MPHOSPH6: variants seen among roughly 807,000 people sequenced by gnomAD.
MPHOSPH6 encodes M-phase phosphoprotein 6.
MPHOSPH6 carries 25 observed loss-of-function variants against 21.8 expected under a neutral mutation model. The observed-to-expected ratio is 1.15, with a 90% confidence interval of 0.83 to 1.60. MPHOSPH6 has a LOEUF of 1.60. MPHOSPH6 is among the 40% of genes most tolerant of loss of function. The probability of loss-of-function intolerance (pLI) is 0.00; values close to 1 mark genes in which losing one functional copy is unlikely to be tolerated. For missense variants in MPHOSPH6, 269 were observed against 181.8 expected (o/e 1.48, Z -2.76); for synonymous variants, 84 against 56.5 (o/e 1.49, Z -2.18).
At chr16:82,167,502 T>A (rs551211435) in intron 1 of MPHOSPH6, 59 of 151,630 alleles carry the variant, frequency 3.9e-4, no homozygotes, top group Non-Finnish European at 7.5e-4. Flanking sequence ...TTTCTATTAT[T>A]ATATTATAAT....
intron 2 of MPHOSPH6, among the ~76,000 whole-genome samples, chr16:82,153,306 A>G (rs766372342): frequency 1.3e-5 from 2 of 152,216 alleles, no homozygotes; most frequent in Non-Finnish European, 2.9e-5. Context: ...TTCCTGCACC[A>G]TAATTATATA....
intron 3 of MPHOSPH6, among the ~76,000 whole-genome samples, chr16:82,150,050 A>C (rs1016118402): frequency 2.7e-5 from 4 of 150,452 alleles, no homozygotes; most frequent in African/African-American, 9.7e-5. Flanking sequence ...TCTTTTTAGC[A>C]AGAGGAGAAG....
chr16:82,164,091 T>G lies in MPHOSPH6; in HGVS notation c.155A>C (p.Lys52Thr). The G allele has an allele frequency of 6.2e-7, 1 of 1,608,464 alleles. No individual in the cohort carries two copies. Among genetic ancestry groups the G allele is most frequent in the Non-Finnish European group, 8.5e-7 (1 of 1,176,164 alleles). ...ATTTTAATAAACCTACTCTTTCTCT[T>G]TAAGCTCTGGCAAATCCAAGTACCA... ...EHWYLDLPEL[K>T]EKESFIIEEQ... The change falls in exon 2 of 5, where the codon AAA becomes ACA. Residue 52 changes from lysine (K) to threonine (T), a missense_variant. By Grantham distance (78) the Lys-to-Thr change is moderately conservative (BLOSUM62 -1). Transcript: ENST00000258169.
chr16:82,156,004 T>C (rs1243489866), intron 2 of MPHOSPH6, among the ~76,000 whole-genome samples: 1 of 151,812 alleles, frequency 6.6e-6, no homozygotes, highest in African/African-American at 2.4e-5. Context: ...AGGCAAACCA[T>C]GGATAAAAAT....
intron 3 of MPHOSPH6, among the ~76,000 whole-genome samples, chr16:82,150,811 T>C (rs1019217235): frequency 6.6e-6 from 1 of 152,216 alleles, no homozygotes; most frequent in Admixed American, 6.5e-5. Flanking sequence ...ACTAAAGATT[T>C]ATATCTCATG....
rs72835386 is a variant in MPHOSPH6, at chr16:82,154,997, T to A, written c.165-3483A>T. ...TGTCAGCAAATTGAATTTAAAAATT[T>A]TAAATGTTACATATGAAGACCAAGT... is the stretch of plus-strand genomic sequence containing the variant. On this transcript the variant is annotated intron_variant, in intron 2 of 4. Transcript: ENST00000258169. Among the ~76,000 whole-genome samples, 1,093 of 152,332 alleles carry A rather than the reference T, an allele frequency of 7.2e-3. 9 individuals are homozygous for A. Among genetic ancestry groups the A allele is most frequent in the Non-Finnish European group, 0.011 (761 of 68,020 alleles).
At chr16:82,149,872 G>A (rs1906207889) in intron 3 of MPHOSPH6, among the ~76,000 whole-genome samples, 1 of 150,188 alleles carries the variant, frequency 6.7e-6, no homozygotes, top group African/African-American at 2.5e-5. Context: ...GGCTGGCCCT[G>A]TTTAATGGAG....
chr16:82,150,833 T>C (rs1291844123), intron 3 of MPHOSPH6, among the ~76,000 whole-genome samples: 1 of 152,224 alleles, frequency 6.6e-6, no homozygotes, highest in Non-Finnish European at 1.5e-5. Flanking sequence ...GTCCATTTGG[T>C]TCATCAAGTA....
At chr16:82,157,850 A>G (rs552880062) in intron 2 of MPHOSPH6, among the ~76,000 whole-genome samples, 55 of 152,310 alleles carry the variant, frequency 3.6e-4, no homozygotes, top group African/African-American at 1.3e-3. Flanking sequence ...CCTGCCTGAG[A>G]AACATAAAGC....
At chr16:82,153,084 G>A (rs1460334260) in intron 2 of MPHOSPH6, among the ~76,000 whole-genome samples, 1 of 151,758 alleles carries the variant, frequency 6.6e-6, no homozygotes, top group Non-Finnish European at 1.5e-5. Flanking sequence ...TCAAGATTGT[G>A]CCACTGCACT....
intron 1 of MPHOSPH6, among the ~76,000 whole-genome samples, chr16:82,167,381 T>C (rs1000247053): frequency 3.0e-4 from 45 of 152,338 alleles, no homozygotes; most frequent in Non-Finnish European, 5.3e-4. Context: ...CCCAACCTTT[T>C]TGGCACCAGG....
At chr16:82,151,788 G>A (rs559638303) in intron 2 of MPHOSPH6, among the ~76,000 whole-genome samples, 34 of 152,298 alleles carry the variant, frequency 2.2e-4, no homozygotes, top group Non-Finnish European at 4.6e-4. Context: ...CTAAAGTATT[G>A]ACAATAAACT....
intron 2 of MPHOSPH6, among the ~76,000 whole-genome samples, chr16:82,156,946 C>T (rs572573690): frequency 3.7e-4 from 56 of 152,106 alleles, no homozygotes; most frequent in South Asian, 1.0e-3. Context: ...CCAGCTACTC[C>T]GGAGGCTGAG....
chr16:82,162,106 G>C (rs1344735786), intron 2 of MPHOSPH6: 1 of 152,198 alleles, frequency 6.6e-6, no homozygotes, highest in Non-Finnish European at 1.5e-5. Context: ...TGGTGTTATG[G>C]TGACTGTTTT....
chr16:82,168,858 TAGA>T (rs1375667910), intron 1 of MPHOSPH6, among the ~76,000 whole-genome samples: 2 of 152,224 alleles, frequency 1.3e-5, no homozygotes, highest in African/African-American at 4.8e-5. Flanking sequence ...TGCTACTCTC[TAGA>T]AGTAGTGCTT....
chr16:82,148,677 A>G lies in MPHOSPH6; in HGVS notation c.*54T>C, dbSNP rs1452574491. On this transcript the variant is annotated 3_prime_UTR_variant, in exon 5 of 5. Coordinates refer to ENST00000258169, the MANE Select transcript of MPHOSPH6 (RefSeq NM_005792.2). ...GAGACACCATTGGGATGAGCTCCAG[A>G]TGCCCTGCTGACTTCCACCAAGCAC... 3.1e-6 allele frequency: 5 copies of G among 1,596,468 alleles called. No individual in the cohort carries two copies. In the East Asian group the frequency reaches 8.9e-5, roughly 29 times the overall value.
chr16:82,161,919 G>A lies in MPHOSPH6; in HGVS notation c.164+2163C>T, dbSNP rs572939307. Among the ~76,000 whole-genome samples the A allele has an allele frequency of 2.0e-3, 307 of 152,250 alleles. 2 individuals carry two copies. Among genetic ancestry groups the A allele is most frequent in the Middle Eastern group, 0.017 (5 of 294 alleles). On this transcript the variant is annotated intron_variant, in intron 2 of 4. Transcript: ENST00000258169. The stretch of plus-strand genomic sequence containing the variant: ...ACTGATACGGCTGACATTAAAAATG[G>A]GAAAGTCGAGACTTTCAGAGCACAG...
Position 82,148,625 on chromosome 16 carries a change from G to C in MPHOSPH6, c.*106C>G. ...TTCTAAAATGATAATCTCTTTACAAGTAAACGTTACAGTATTAATAACTAT... is the reference window on the plus strand; with the variant it reads ...TTCTAAAATGATAATCTCTTTACAACTAAACGTTACAGTATTAATAACTAT... On this transcript the variant is annotated 3_prime_UTR_variant, in exon 5 of 5. Coordinates refer to ENST00000258169, the MANE Select transcript of MPHOSPH6 (RefSeq NM_005792.2). The C allele has an allele frequency of 7.5e-7, 1 of 1,333,354 alleles. No individual in the cohort carries two copies. Among genetic ancestry groups the C allele is most frequent in the Non-Finnish European group, 1.0e-6 (1 of 989,370 alleles). The allele number at this position is 1,333,354 out of a possible 1,614,324, so 82.6% of individuals were successfully genotyped here.
intron 2 of MPHOSPH6, among the ~76,000 whole-genome samples, chr16:82,161,212 G>T (rs1467964301): frequency 1.3e-5 from 2 of 152,086 alleles, no homozygotes; most frequent in Admixed American, 1.3e-4. Flanking sequence ...TTGTTAATCT[G>T]TCTTTTGTTA....
Sources: gnomAD v4.1 joint callset for allele counts (sites outside exome capture counted in the v4.1 genomes callset) on GRCh38, gnomAD v4.1.1 for gene constraint, MANE v1.5 for transcripts, NCBI Gene and HGNC (gene_info 2026-07-23, HGNC 2026-07-21) for gene names.